HDX: variants seen among roughly 807,000 people sequenced by gnomAD.
The protein encoded by HDX is chromosome X open reading frame 43.
In HDX, 19 loss-of-function variants were observed where a neutral mutation model predicts 45.2. That is an observed-to-expected ratio of 0.42 (90% confidence interval 0.29 to 0.62). HDX has a LOEUF of 0.62. Ranked by LOEUF, HDX falls within the 20% of genes least tolerant of loss-of-function variation. HDX has a pLI of 0.20. For synonymous variants in HDX, 188 were observed against 172.8 expected, an observed-to-expected ratio of 1.09 and a Z score of -0.69; for missense variants, 532 against 493.9, an observed-to-expected ratio of 1.08 and a Z score of -0.73.
At chrX:84,460,514 G>T (rs1286322763) in intron 4 of HDX, among the ~76,000 whole-genome samples, 1 of 111,371 alleles carries the variant, frequency 9.0e-6, no homozygotes, top group Non-Finnish European at 1.9e-5. Flanking sequence ...AAAGAAAAAT[G>T]ATTCTCAAAA....
chrX:84,456,773 G>T (rs111264099), intron 4 of HDX, among the ~76,000 whole-genome samples: 2,453 of 111,478 alleles, frequency 0.022, 26 homozygotes, highest in Non-Finnish European at 0.034. Context: ...AGTATAAAAA[G>T]AGATAAAGAA....
At chrX:84,423,610 T>G (rs2039319586) in intron 5 of HDX, among the ~76,000 whole-genome samples, 1 of 111,041 alleles carries the variant, frequency 9.0e-6, no homozygotes, top group Admixed American at 9.6e-5. Context: ...GAAAGATCAT[T>G]CATCATGACC....
intron 3 of HDX, among the ~76,000 whole-genome samples, chrX:84,471,379 A>C (rs1041540987): frequency 9.2e-5 from 10 of 108,308 alleles, no homozygotes; most frequent in Admixed American, 5.0e-4. Context: ...TCTATAAAGG[A>C]TCTATAATAA....
At chrX:84,327,067 T>C (rs2036729730) in intron 9 of HDX, among the ~76,000 whole-genome samples, 1 of 111,733 alleles carries the variant, frequency 8.9e-6, no homozygotes, top group Non-Finnish European at 1.9e-5. Context: ...ATTACTAAGA[T>C]TGTCTTAAGT....
intron 9 of HDX, among the ~76,000 whole-genome samples, chrX:84,331,383 A>G (rs944532300): frequency 2.7e-5 from 3 of 111,675 alleles, no homozygotes; most frequent in African/African-American, 9.7e-5. Flanking sequence ...TAGGGGAAAA[A>G]TACAATGATC....
chrX:84,407,418 A>G (rs1004451338), intron 5 of HDX, among the ~76,000 whole-genome samples: 3 of 111,343 alleles, frequency 2.7e-5, no homozygotes, highest in African/African-American at 9.8e-5. Context: ...ATACAATACT[A>G]CATGATGTAA....
At chrX:84,467,445 G>T (rs1240543631) in intron 4 of HDX, among the ~76,000 whole-genome samples, 2 of 109,991 alleles carry the variant, frequency 1.8e-5, no homozygotes, top group African/African-American at 6.6e-5. Context: ...TGGTCAACAT[G>T]GTGAAACCCC....
At chrX:84,323,206 T>G (rs1472079267) in intron 10 of HDX, among the ~76,000 whole-genome samples, 1 of 111,258 alleles carries the variant, frequency 9.0e-6, no homozygotes, top group Non-Finnish European at 1.9e-5. Flanking sequence ...ATTGAATTTC[T>G]CATTAATTTA....
At chrX:84,376,700 T>C (rs1314820778) in intron 5 of HDX, among the ~76,000 whole-genome samples, 1 of 112,376 alleles carries the variant, frequency 8.9e-6, no homozygotes, top group Admixed American at 9.4e-5. Context: ...CTGCATCTTG[T>C]ATTTCTTTTG....
chrX:84,364,401 T>A (rs1192312088), intron 5 of HDX, among the ~76,000 whole-genome samples: 1 of 107,798 alleles, frequency 9.3e-6, no homozygotes, highest in Admixed American at 1.0e-4. Context: ...CAATGTGACA[T>A]CAACCTTCCT....
At chrX:84,488,649 G>A (rs895462055) in intron 1 of HDX, among the ~76,000 whole-genome samples, 2 of 110,953 alleles carry the variant, frequency 1.8e-5, no homozygotes, top group Non-Finnish European at 3.8e-5. Flanking sequence ...TGGGAAATTA[G>A]TCATTCTGGA....
chrX:84,473,995 A>T (rs1375211791), intron 3 of HDX, among the ~76,000 whole-genome samples: 1 of 112,665 alleles, frequency 8.9e-6, no homozygotes, highest in East Asian at 2.8e-4. Flanking sequence ...AGCAAATAAG[A>T]AACAGATATC....
At position 84,343,508 on chromosome X, in the gene HDX, G is replaced by A. The variant is rs748569592; in HGVS notation, c.1660+742C>T. On this transcript the variant is annotated intron_variant, in intron 7 of 10. Coordinates refer to ENST00000373177, the MANE Select transcript of HDX (RefSeq NM_001177479.2). ...TCATTATGTTGCCCTGGCTGATTTC[G>A]AACTCCTGAGTTCAAGCAATCATTT... Among the ~76,000 whole-genome samples, 4 of 110,770 alleles carry A rather than the reference G, an allele frequency of 3.6e-5. No individual in the cohort carries two copies. The East Asian group carries it at 1.1e-3, about 32-fold the overall frequency.
At position 84,393,570 on chromosome X, in the gene HDX, A is replaced by G. The variant is rs141842408; in HGVS notation, c.1306-31958T>C. Among the ~76,000 whole-genome samples, 1,014 of 111,284 alleles carry G rather than the reference A, an allele frequency of 9.1e-3. 4 individuals are homozygous for G. Among genetic ancestry groups the G allele is most frequent in the Non-Finnish European group, 0.014 (756 of 52,770 alleles). On this transcript the variant is annotated intron_variant, in intron 5 of 10. Transcript: ENST00000373177. The stretch of plus-strand genomic sequence containing the variant: ...GTTAAAGAGAATTCATTCTTCTTCA[A>G]TTTCTTGGCATATTTTGAGAGGAAT...
intron 7 of HDX, among the ~76,000 whole-genome samples, chrX:84,343,163 A>C (rs1034326897): frequency 7.2e-5 from 8 of 111,189 alleles, no homozygotes; most frequent in African/African-American, 2.6e-4. Flanking sequence ...TATTGGAGAG[A>C]TGAAACTGAT....
intron 4 of HDX, among the ~76,000 whole-genome samples, chrX:84,450,987 A>G (rs1003804109): frequency 8.9e-6 from 1 of 112,041 alleles, no homozygotes; most frequent in Non-Finnish European, 1.9e-5. Flanking sequence ...AAGTATTAAA[A>G]CAAATGAAAA....
At chrX:84,339,373 T>G (rs1356672331) in intron 7 of HDX, among the ~76,000 whole-genome samples, 1 of 111,526 alleles carries the variant, frequency 9.0e-6, no homozygotes, top group East Asian at 2.8e-4. Flanking sequence ...TTTATATTGC[T>G]TATCAACAAG....
intron 5 of HDX, among the ~76,000 whole-genome samples, chrX:84,437,637 C>A (rs771891649): frequency 4.5e-5 from 5 of 110,667 alleles, no homozygotes; most frequent in Non-Finnish European, 9.4e-5. Context: ...CTGATCTAGA[C>A]CAGGCACATG....
intron 5 of HDX, among the ~76,000 whole-genome samples, chrX:84,438,109 A>G (rs1405686910): frequency 9.0e-6 from 1 of 111,321 alleles, no homozygotes; most frequent in African/African-American, 3.3e-5. Context: ...GGTGGGAGAC[A>G]TGAGGTTCCT....
Sources: gnomAD v4.1 joint callset for allele counts (sites outside exome capture counted in the v4.1 genomes callset) on GRCh38, gnomAD v4.1.1 for gene constraint, MANE v1.5 for transcripts, NCBI Gene and HGNC (gene_info 2026-07-23, HGNC 2026-07-21) for gene names.